The following COL17A1 variants were observed in gnomAD, a reference collection of about 807,000 sequenced individuals.
The protein encoded by COL17A1 is collagen type XVII alpha 1 chain.
Under a neutral mutation model 218.4 loss-of-function variants are expected in COL17A1, and 181 were observed. That is an observed-to-expected ratio of 0.83 (90% CI 0.73 to 0.94). The LOEUF is 0.94. COL17A1 is among the 40% of genes least tolerant of loss of function. COL17A1 has a pLI of 0.00. For synonymous variants in COL17A1, 721 were observed against 731.0 expected (o/e 0.99, Z 0.22); for missense variants, 1,924 against 1,945.9 (o/e 0.99, Z 0.21).
intron 20 of COL17A1, 90 bp from the exon 21 acceptor site, chr10:104,054,208 G>T: frequency 7.4e-7 from 1 of 1,348,516 alleles, no homozygotes; most frequent in Non-Finnish European, 1.0e-6. Context: ...AGGTAGGGTT[G>T]CCAAACTTAG....
Position 104,074,201 on chromosome 10 carries a change from T to A in COL17A1, c.362A>T (p.Tyr121Phe). The A allele has an allele frequency of 6.2e-7, 1 of 1,614,180 alleles. No individual in the cohort carries two copies. The highest frequency in any genetic ancestry group is 8.5e-7 in the Non-Finnish European group (1 of 1,180,022). The change falls in exon 6 of 56, where the codon TAC becomes TTC. Residue 121 changes from tyrosine to phenylalanine, a missense_variant. By Grantham distance (22) the Tyr-to-Phe change is conservative (BLOSUM62 3). Coordinates refer to ENST00000648076, the MANE Select transcript of COL17A1 (RefSeq NM_000494.4). ...GGACATACCAAATTCCTTCCGAGGG[T>A]ACTCCGGAGAAGAGTTGCCACTGGA... ...GSSSGNSSPE[Y>F]PRKEFASSST... is the part of the protein sequence containing the mutation.
Position 104,050,077 on chromosome 10 carries a change from T to C in COL17A1, c.2164+12A>G, listed in dbSNP as rs752310859. On this transcript the variant is annotated intron_variant, in intron 28 of 55. Coordinates refer to ENST00000648076, the MANE Select transcript of COL17A1 (RefSeq NM_000494.4). Reference sequence around the variant, plus strand: ...GTGGATAGATTAAAGTAGATTCCCATGACAGACTGACCTGTGAGGCCTCGA... The same window carrying C: ...GTGGATAGATTAAAGTAGATTCCCACGACAGACTGACCTGTGAGGCCTCGA... 2 of 1,614,136 alleles carry C rather than the reference T, an allele frequency of 1.2e-6. No homozygotes were observed. The highest frequency in any genetic ancestry group is 1.1e-5 in the South Asian group (1 of 91,080).
chr10:104,035,557 C>G lies in COL17A1; in HGVS notation c.3425G>C (p.Gly1142Ala). ...GGGACCAGGAAGCCCAATGCTGATC[C>G]CAGAACCTAGGGAGGTGATGGATTC... ...SRILSYMSSS[G>A]ISIGLPGPPG... The change falls in exon 49 of 56, where the codon GGG (glycine) becomes GCG (alanine). Residue 1142 changes from glycine (G) to alanine (A), a missense_variant. Gly to Ala is a moderately conservative substitution (Grantham distance 60, BLOSUM62 0). Coordinates refer to ENST00000648076, the MANE Select transcript of COL17A1 (RefSeq NM_000494.4). The G allele has an allele frequency of 6.2e-7, 1 of 1,613,172 alleles. No homozygotes were observed. The highest frequency in any genetic ancestry group is 8.5e-7 in the Non-Finnish European group (1 of 1,179,606).
chr10:104,052,257 C>T (rs1363612506), intron 23 of COL17A1, 40 bp from the exon 24 acceptor site: 2 of 1,613,034 alleles, frequency 1.2e-6, no homozygotes, highest in African/African-American at 1.3e-5. Context: ...GGGAGAGGCC[C>T]CAGTGTGGCT....
At chr10:104,051,385 AT>A in intron 25 of COL17A1, 95 bp downstream of exon 25, 2 of 1,485,320 alleles carry the variant, frequency 1.3e-6, no homozygotes, top group Non-Finnish European at 1.9e-6. Context: ...TTGCTTTATA[AT>A]TGCTTCTTTG....
At chr10:104,078,344 C>G (rs2086730058) in intron 3 of COL17A1, among the ~76,000 whole-genome samples, 198 bp downstream of exon 3, 1 of 152,228 alleles carries the variant, frequency 6.6e-6, no homozygotes, top group African/African-American at 2.4e-5. Flanking sequence ...GTAACCATGG[C>G]TGCATAACTT....
chr10:104,070,361 T>C, intron 9 of COL17A1, 65 bp downstream of exon 9: 1 of 1,607,536 alleles, frequency 6.2e-7, no homozygotes, highest in Non-Finnish European at 8.5e-7. Context: ...CTGAGTCCAC[T>C]CTTTGGGTTT....
In COL17A1 at chr10:104,055,195, C is replaced by G. The variant is rs2086508619; in HGVS notation, c.1717+177G>C. 4 of 1,423,324 alleles carry G rather than the reference C, an allele frequency of 2.8e-6. No homozygotes were observed. In the Admixed American group the frequency reaches 7.9e-5, roughly 28 times the overall value. 88.2% of individuals were successfully genotyped at this position (1,423,324 alleles called of 1,614,324 possible). A position where few individuals can be genotyped will look rare whatever the true frequency, so the allele number is the denominator to read the frequency against. On this transcript the variant is annotated intron_variant, in intron 19 of 55. Coordinates refer to ENST00000648076, the MANE Select transcript of COL17A1 (RefSeq NM_000494.4). ...ATTGCTGGGCTTCTCTTAGATGCTG[C>G]CTTATCTAAGATATTCTGACTCTAA...
chr10:104,045,675 A>G lies in COL17A1; in HGVS notation c.2398+83T>C, dbSNP rs2086401498. ...CACTGTTGATCCAGGCTCTGGCCAG[A>G]GAGAGGCCTCCTCCTGTCCATCCCT... On this transcript the variant is annotated intron_variant, in intron 33 of 55. Transcript: ENST00000648076. 6.9e-6 allele frequency: 8 copies of G among 1,161,904 alleles called. No homozygotes were observed. In the Middle Eastern group the frequency reaches 7.7e-4, roughly 112 times the overall value. The allele number at this position is 1,161,904 out of a possible 1,614,324, so 72.0% of individuals were successfully genotyped here.
At position 104,050,606 on chromosome 10, in the gene COL17A1, C is replaced by T; in HGVS notation, c.2128+15G>A. ...GCAGGCCCTGGTAATGACAGAGCAGCAGTGAGTGGCATACCTTTGGGTCCT... is the reference window on the plus strand; with the variant it reads ...GCAGGCCCTGGTAATGACAGAGCAGTAGTGAGTGGCATACCTTTGGGTCCT... On this transcript the variant is annotated intron_variant, in intron 27 of 55. Coordinates refer to ENST00000648076, the MANE Select transcript of COL17A1 (RefSeq NM_000494.4). The T allele has an allele frequency of 6.2e-7, 1 of 1,612,944 alleles. No individual in the cohort carries two copies. The highest frequency in any genetic ancestry group is 8.5e-7 in the Non-Finnish European group (1 of 1,180,032).
At chr10:104,069,933 A>G (rs1483993348) in intron 9 of COL17A1, among the ~76,000 whole-genome samples, 1 of 152,164 alleles carries the variant, frequency 6.6e-6, no homozygotes, top group Non-Finnish European at 1.5e-5. Flanking sequence ...GAAGGAAGGG[A>G]AAAGGGCAAA....
intron 28 of COL17A1, 125 bp downstream of exon 28, chr10:104,049,964 T>C: frequency 1.4e-6 from 2 of 1,465,358 alleles, no homozygotes; most frequent in Non-Finnish European, 1.9e-6. Context: ...TTTTTCTAGA[T>C]CACAAGTTCC....
Position 104,037,726 on chromosome 10 carries a change from G to C in COL17A1, c.3118C>G (p.Pro1040Ala). 1 of 1,614,118 alleles carries C rather than the reference G, an allele frequency of 6.2e-7. No homozygotes were observed. The highest frequency in any genetic ancestry group is 8.5e-7 in the Non-Finnish European group (1 of 1,179,988). ...YLSGVQGPPG[P>A]PGPPGPVTTI... ...GTGACAGGTCCTGGGGGACCAGGTG[G>C]GCCTGGGGGACCCTGAACTCCGGAT... Residue 1040 changes from proline to alanine, a missense_variant, in exon 46 of 56, where the codon CCA (proline) becomes GCA (alanine). Coordinates refer to ENST00000648076, the MANE Select transcript of COL17A1 (RefSeq NM_000494.4).
chr10:104,049,561 G>A, intron 28 of COL17A1, 90 bp from the exon 29 acceptor site: 1 of 1,397,570 alleles, frequency 7.2e-7, no homozygotes, highest in South Asian at 1.2e-5. Context: ...AAGAGGTCAA[G>A]GAAGCAGCTT....
chr10:104,056,409 C>T (rs1334042376), intron 17 of COL17A1, among the ~76,000 whole-genome samples: 5 of 151,982 alleles, frequency 3.3e-5, no homozygotes, highest in African/African-American at 1.2e-4. Context: ...AGTGAAACCC[C>T]ATCTCTACTA....
At chr10:104,070,684 C>T in intron 8 of COL17A1, 115 bp from the exon 9 acceptor site, 1 of 1,603,084 alleles carries the variant, frequency 6.2e-7, no homozygotes, top group Non-Finnish European at 8.5e-7. Flanking sequence ...GCATCTGCCT[C>T]ACACATTGGA....
At chr10:104,059,513 C>T (rs1022993190) in intron 15 of COL17A1, 125 bp downstream of exon 15, 1 of 840,942 alleles carries the variant, frequency 1.2e-6, no homozygotes, top group Admixed American at 1.9e-5. Context: ...TTATAACACA[C>T]TCCCAGGTGT....
intron 36 of COL17A1, among the ~76,000 whole-genome samples, chr10:104,041,925 C>T (rs950385765): frequency 6.6e-6 from 1 of 152,092 alleles, no homozygotes; most frequent in African/African-American, 2.4e-5. Flanking sequence ...AGATCTACAT[C>T]ACGGGGGTGT....
intron 11 of COL17A1, 47 bp from the exon 12 acceptor site, chr10:104,062,376 G>GC: frequency 6.2e-7 from 1 of 1,613,596 alleles, no homozygotes; most frequent in Non-Finnish European, 8.5e-7. Context: ...CACGGGGGAT[G>GC]CCCCCTGGCT....
Sources: allele counts gnomAD v4.1 joint callset (sites outside exome capture counted in the v4.1 genomes callset), GRCh38; gene constraint gnomAD v4.1.1; transcripts MANE v1.5; gene names NCBI Gene and HGNC (gene_info 2026-07-23, HGNC 2026-07-21).